CECR2: variants seen among roughly 807,000 people sequenced by gnomAD.
CECR2 encodes chromatin remodeling regulator CECR2.
A neutral mutation model predicts 154.5 loss-of-function variants in CECR2; 30 were observed. That is an observed-to-expected ratio of 0.19 (90% CI 0.15 to 0.26). CECR2 has a LOEUF of 0.26. Among genes scored for constraint, CECR2 ranks in the 10% least tolerant of loss-of-function variants. The pLI, the probability that CECR2 is intolerant of heterozygous loss-of-function variation, is 1.00. For missense variants in CECR2, 1,743 were observed against 1,829.3 expected (o/e 0.95, Z 0.86); for synonymous variants, 725 against 683.7 (o/e 1.06, Z -0.94).
chr22:17,545,735 C>T (rs902817028), intron 16 of CECR2, among the ~76,000 whole-genome samples: 1 of 149,092 alleles, frequency 6.7e-6, no homozygotes, highest in African/African-American at 2.5e-5. Flanking sequence ...CCCAGCTCCT[C>T]GGGAGGCTGA....
At chr22:17,447,192 G>T (rs1195949665) in intron 1 of CECR2, among the ~76,000 whole-genome samples, 12 of 151,676 alleles carry the variant, frequency 7.9e-5, no homozygotes, top group Admixed American at 7.9e-4. Flanking sequence ...TGGCCACCAT[G>T]CCCGGCTAAT....
intron 16 of CECR2, among the ~76,000 whole-genome samples, chr22:17,544,862 T>G (rs2056587432): frequency 6.9e-6 from 1 of 145,178 alleles, no homozygotes; most frequent in Non-Finnish European, 1.5e-5. Flanking sequence ...TCCCAGCTAC[T>G]TGGGAGGCTG....
chr22:17,491,586 G>GGGA (rs2055532727), intron 2 of CECR2, among the ~76,000 whole-genome samples: 1 of 123,962 alleles, frequency 8.1e-6, no homozygotes, highest in Non-Finnish European at 1.7e-5. Context: ...TGTGTGTGGG[G>GGGA]GGGTGGGTGT....
intron 2 of CECR2, among the ~76,000 whole-genome samples, chr22:17,479,037 A>T (rs916326407): frequency 1.3e-5 from 2 of 152,200 alleles, no homozygotes; most frequent in Non-Finnish European, 2.9e-5. Flanking sequence ...GTTTTCTTAT[A>T]ACCACATTTT....
chr22:17,362,730 T>C (rs954112083), intron 1 of CECR2, among the ~76,000 whole-genome samples: 1 of 151,744 alleles, frequency 6.6e-6, no homozygotes, highest in Admixed American at 6.6e-5. Flanking sequence ...GGTGAAACCC[T>C]GTCTCTATGA....
intron 2 of CECR2, among the ~76,000 whole-genome samples, chr22:17,483,625 G>C (rs760211622): frequency 2.0e-5 from 3 of 152,100 alleles, no homozygotes; most frequent in Non-Finnish European, 4.4e-5. Flanking sequence ...TTTTTGTATA[G>C]CTCTAAAAAG....
intron 1 of CECR2, among the ~76,000 whole-genome samples, chr22:17,420,160 C>T (rs1428545796): frequency 6.6e-6 from 1 of 152,186 alleles, no homozygotes; most frequent in African/African-American, 2.4e-5. Flanking sequence ...GGAACCCTTG[C>T]TATATTAGTG....
At chr22:17,480,966 G>C (rs1052575945) in intron 2 of CECR2, among the ~76,000 whole-genome samples, 11 of 150,826 alleles carry the variant, frequency 7.3e-5, no homozygotes, top group African/African-American at 2.7e-4. Flanking sequence ...CTTCAACCCG[G>C]GAGGCGGAGG....
chr22:17,445,437 G>T (rs1374105865), intron 1 of CECR2, among the ~76,000 whole-genome samples: 1 of 151,982 alleles, frequency 6.6e-6, no homozygotes, highest in Non-Finnish European at 1.5e-5. Context: ...TTCCATGGGG[G>T]ATTGATTTCA....
At chr22:17,476,832 C>G (rs1181073846) in intron 1 of CECR2, among the ~76,000 whole-genome samples, 4 of 152,124 alleles carry the variant, frequency 2.6e-5, no homozygotes, top group African/African-American at 9.7e-5. Context: ...AAAATACCTG[C>G]TTATTTTGGG....
At chr22:17,506,774 C>T (rs2055854539) in intron 7 of CECR2, among the ~76,000 whole-genome samples, 1 of 152,136 alleles carries the variant, frequency 6.6e-6, no homozygotes, top group Non-Finnish European at 1.5e-5. Flanking sequence ...ATGCCTCAGC[C>T]TCCCAAGTAG....
chr22:17,534,488 A>G (rs2056407105), intron 9 of CECR2, among the ~76,000 whole-genome samples: 1 of 151,934 alleles, frequency 6.6e-6, no homozygotes, highest in African/African-American at 2.4e-5. Context: ...GAGAACTGAC[A>G]TATTTGATTA....
intron 1 of CECR2, among the ~76,000 whole-genome samples, chr22:17,445,844 C>T (rs1452448189): frequency 6.6e-6 from 1 of 152,152 alleles, no homozygotes; most frequent in African/African-American, 2.4e-5. Flanking sequence ...CCTCCTGCCT[C>T]AGCCTCCCAA....
intron 1 of CECR2, among the ~76,000 whole-genome samples, chr22:17,378,218 T>A (rs571621240): frequency 6.8e-6 from 1 of 147,552 alleles, no homozygotes; most frequent in East Asian, 2.0e-4. Flanking sequence ...CTCCTAACCT[T>A]GTGATCCGCC....
At chr22:17,391,026 C>T (rs79265099) in intron 1 of CECR2, among the ~76,000 whole-genome samples, 8,051 of 152,228 alleles carry the variant, frequency 0.053, 297 homozygotes, top group African/African-American at 0.11. Context: ...ATTGTTAACA[C>T]TTTTGCCACA....
intron 2 of CECR2, among the ~76,000 whole-genome samples, chr22:17,490,217 C>G (rs2055502585): frequency 6.6e-6 from 1 of 151,244 alleles, no homozygotes. Context: ...GATTGTGGAT[C>G]TATTTCTCCC....
At chr22:17,363,484 A>G (rs1349780471) in intron 1 of CECR2, among the ~76,000 whole-genome samples, 1 of 152,142 alleles carries the variant, frequency 6.6e-6, no homozygotes, top group Non-Finnish European at 1.5e-5. Flanking sequence ...GTGGAATTAC[A>G]GGCGTGAGCC....
chr22:17,386,696 G>A (rs2063265829), intron 1 of CECR2, among the ~76,000 whole-genome samples: 1 of 151,402 alleles, frequency 6.6e-6, no homozygotes, highest in Admixed American at 6.6e-5. Context: ...TCTTGTCCAG[G>A]CTCGAGTGCA....
Position 17,556,498 on chromosome 22 carries a change from A to C in CECR2, c.*3658A>C, listed in dbSNP as rs536721039. Reference sequence around the variant, plus strand: ...GGCAGATGCCATCCCAGGCCCACAAAATCCCAGTGTTGCAGTCACCACAGC... The same window carrying C: ...GGCAGATGCCATCCCAGGCCCACAACATCCCAGTGTTGCAGTCACCACAGC... On this transcript the variant is annotated 3_prime_UTR_variant, in exon 19 of 19. Coordinates refer to ENST00000262608, the MANE Select transcript of CECR2 (RefSeq NM_001290047.2). 1 of 152,242 alleles carries C rather than the reference A, an allele frequency of 6.6e-6. No homozygotes were observed. The allele number at this position is 152,242 out of a possible 1,614,324, so 9.4% of individuals were successfully genotyped here.
Sources: gnomAD v4.1 joint callset for allele counts (sites outside exome capture counted in the v4.1 genomes callset) on GRCh38, gnomAD v4.1.1 for gene constraint, MANE v1.5 for transcripts, NCBI Gene and HGNC (gene_info 2026-07-23, HGNC 2026-07-21) for gene names.